PTH2R: variants seen among roughly 807,000 people sequenced by gnomAD.
PTH2R encodes PTH2 receptor.
A neutral mutation model predicts 60.3 loss-of-function variants in PTH2R; 59 were observed. That is an observed-to-expected ratio of 0.98 (90% CI 0.79 to 1.22). The LOEUF (loss-of-function observed/expected upper bound fraction) is 1.22, where lower values mean the gene tolerates loss of function less well. PTH2R is among the 50% of genes most tolerant of loss of function. The pLI is 0.00. For synonymous variants in PTH2R, 256 were observed against 243.8 expected (o/e 1.05, Z -0.47); for missense variants, 749 against 682.6 (o/e 1.10, Z -1.08).
intron 11 of PTH2R, 95 bp from the exon 12 acceptor site, chr2:208,490,541 TAAA>T (rs1703379403): frequency 1.7e-6 from 2 of 1,170,716 alleles, no homozygotes; most frequent in South Asian, 2.9e-5. Flanking sequence ...GAAGGAATCA[TAAA>T]AAACAATTTT....
intron 9 of PTH2R, among the ~76,000 whole-genome samples, chr2:208,477,284 T>A (rs945151099): frequency 2.0e-5 from 3 of 152,154 alleles, no homozygotes; most frequent in African/African-American, 7.2e-5. Flanking sequence ...ACATTCAGCC[T>A]GAACCCTGAG....
At chr2:208,360,551 C>G (rs1700444148) in intron 1 of PTH2R, 1 of 154,866 alleles carries the variant, frequency 6.5e-6, no homozygotes, top group Non-Finnish European at 1.4e-5. Flanking sequence ...GCTCGGGGCT[C>G]TGGAGTCTGG....
intron 9 of PTH2R, among the ~76,000 whole-genome samples, chr2:208,475,212 A>G (rs1332478162): frequency 6.6e-6 from 1 of 152,210 alleles, no homozygotes; most frequent in Admixed American, 6.5e-5. Context: ...ACTTTTTTTT[A>G]AAGAACCAAG....
At chr2:208,459,103 C>T (rs910998740) in intron 8 of PTH2R, among the ~76,000 whole-genome samples, 4 of 152,132 alleles carry the variant, frequency 2.6e-5, no homozygotes, top group African/African-American at 9.7e-5. Flanking sequence ...TCTCTCTAAC[C>T]TCACCAGCAT....
chr2:208,360,117 A>G, exon 1 of PTH2R: 1 of 401,662 alleles, frequency 2.5e-6, no homozygotes, highest in Non-Finnish European at 5.0e-6. Flanking sequence ...TTTTCCCTCG[A>G]AAATGACCTT....
chr2:208,448,783 T>G (rs1009579174), intron 7 of PTH2R, among the ~76,000 whole-genome samples: 2 of 151,796 alleles, frequency 1.3e-5, no homozygotes, highest in Admixed American at 6.6e-5. Context: ...TTCTAAATTA[T>G]GTAACAATTC....
At chr2:208,408,910 A>G (rs911658340) in intron 1 of PTH2R, among the ~76,000 whole-genome samples, 3 of 152,130 alleles carry the variant, frequency 2.0e-5, no homozygotes, top group Admixed American at 6.5e-5. Context: ...GGACATATAT[A>G]ATAATTCTTT....
rs1268255822 is a variant in PTH2R at position 208,473,172 on chromosome 2, A to G, written c.982-7898A>G. 2.0e-5 allele frequency among the ~76,000 whole-genome samples: 3 copies of G among 152,184 alleles called. No individual in the cohort carries two copies. In the East Asian group the frequency reaches 5.8e-4, roughly 29 times the overall value. ...TTTATTTTGGTCCTGGTCTTGAACAACACTCACATGTGTGGTGTCTTTCTT... is the reference window on the plus strand; with the variant it reads ...TTTATTTTGGTCCTGGTCTTGAACAGCACTCACATGTGTGGTGTCTTTCTT... On this transcript the variant is annotated intron_variant, in intron 9 of 12. Transcript: ENST00000272847.
intron 9 of PTH2R, chr2:208,466,186 C>A (rs1702748165): frequency 6.6e-6 from 1 of 152,312 alleles, no homozygotes; most frequent in African/African-American, 2.4e-5. Context: ...GGAAGAAGAG[C>A]TTTTCATTTT....
rs538975405 is a variant in PTH2R, at chr2:208,409,872, T to C, written c.75+2754T>C. On this transcript the variant is annotated intron_variant, in intron 1 of 12. Coordinates refer to ENST00000272847, the MANE Select transcript of PTH2R (RefSeq NM_005048.4). ...GTATTTTCTTTACTGTGTTAGTGGA[T>C]CCTCCTGGTAACAGACTGTAGGATG... Among the ~76,000 whole-genome samples the C allele has an allele frequency of 1.2e-4, 19 of 152,318 alleles. No homozygotes were observed. The South Asian group carries it at 3.9e-3, about 32-fold the overall frequency.
intron 2 of PTH2R, among the ~76,000 whole-genome samples, chr2:208,430,628 G>A (rs959464421): frequency 6.7e-6 from 1 of 150,312 alleles, no homozygotes; most frequent in Non-Finnish European, 1.5e-5. Context: ...CTCACTGCAA[G>A]CTCCGCCTCC....
chr2:208,367,572 A>G (rs1700618128), intron 1 of PTH2R, among the ~76,000 whole-genome samples: 1 of 150,218 alleles, frequency 6.7e-6, no homozygotes. Context: ...TTTTCACCAT[A>G]TTGGCCAGGC....
intron 11 of PTH2R, among the ~76,000 whole-genome samples, chr2:208,490,368 A>G (rs1363964852): frequency 6.6e-6 from 1 of 152,176 alleles, no homozygotes; most frequent in African/African-American, 2.4e-5. Flanking sequence ...GTCACAACAT[A>G]AATGAAACTA....
At chr2:208,469,637 G>A (rs1324416169) in intron 9 of PTH2R, among the ~76,000 whole-genome samples, 1 of 152,122 alleles carries the variant, frequency 6.6e-6, no homozygotes. Context: ...TTTCTGTTTT[G>A]TTAAAGTGTG....
At chr2:208,483,387 G>C (rs1344982486) in intron 10 of PTH2R, among the ~76,000 whole-genome samples, 1 of 152,222 alleles carries the variant, frequency 6.6e-6, no homozygotes, top group African/African-American at 2.4e-5. Flanking sequence ...GAAGAGTGTA[G>C]TGGTGTTTAG....
intron 8 of PTH2R, among the ~76,000 whole-genome samples, chr2:208,456,880 C>T (rs556020644): frequency 1.7e-4 from 26 of 152,322 alleles, no homozygotes; most frequent in Admixed American, 6.5e-4. Flanking sequence ...TCTCAATTTT[C>T]TTTCCTATAT....
intron 1 of PTH2R, among the ~76,000 whole-genome samples, chr2:208,427,886 A>C (rs1419034524): frequency 8.6e-5 from 13 of 150,820 alleles, no homozygotes; most frequent in Admixed American, 8.6e-4. Flanking sequence ...TAATTATTTT[A>C]TTTTAAATAT....
rs1444338237 is a variant in PTH2R at position 208,468,779 on chromosome 2, G to T, written c.981+8818G>T. ...ATCACAGTATATCATGTCTTTCATT[G>T]TTGAATGTCCATCTTTTTCACCGAA... is the stretch of plus-strand genomic sequence containing the variant. On this transcript the variant is annotated intron_variant, in intron 9 of 12. Coordinates refer to ENST00000272847, the MANE Select transcript of PTH2R (RefSeq NM_005048.4). Among the ~76,000 whole-genome samples the T allele has an allele frequency of 2.6e-5, 4 of 152,052 alleles. No individual in the cohort carries two copies. In the East Asian group the frequency reaches 7.7e-4, roughly 29 times the overall value.
chr2:208,482,083 T>A (rs944282365), intron 10 of PTH2R, among the ~76,000 whole-genome samples: 8 of 152,218 alleles, frequency 5.3e-5, no homozygotes, highest in Admixed American at 2.0e-4. Context: ...AGTTAACTAT[T>A]TATTTCTGTC....
Sources: gnomAD v4.1 joint callset for allele counts (sites outside exome capture counted in the v4.1 genomes callset) on GRCh38, gnomAD v4.1.1 for gene constraint, MANE v1.5 for transcripts, NCBI Gene and HGNC (gene_info 2026-07-23, HGNC 2026-07-21) for gene names.